The following RNF17 variants were observed in gnomAD, a reference collection of about 807,000 sequenced individuals.
The protein encoded by RNF17 is ring finger protein 17.
A neutral mutation model predicts 200.5 loss-of-function variants in RNF17; 31 were observed. The observed-to-expected ratio is 0.15, with a 90% CI of 0.12 to 0.21. RNF17 has a LOEUF of 0.21. Ranked by LOEUF, RNF17 falls within the 10% of genes least tolerant of loss-of-function variation. The pLI is 1.00. For missense variants in RNF17, 1,628 were observed against 1,905.1 expected, an observed-to-expected ratio of 0.85 and a Z score of 2.71; for synonymous variants, 606 against 637.8, an observed-to-expected ratio of 0.95 and a Z score of 0.75.
chr13:24,880,619 G>A (rs1253776052), downstream of RNF17, among the ~76,000 whole-genome samples: 1 of 152,030 alleles, frequency 6.6e-6, no homozygotes, highest in African/African-American at 2.4e-5. Flanking sequence ...TGCTATATCT[G>A]TGTACATAAT....
At chr13:24,806,305 A>G (rs1029690277) in intron 15 of RNF17, among the ~76,000 whole-genome samples, 2 of 152,190 alleles carry the variant, frequency 1.3e-5, no homozygotes, top group Non-Finnish European at 2.9e-5. Flanking sequence ...GCTATTGTGA[A>G]TAGTGCTGCA....
intron 12 of RNF17, among the ~76,000 whole-genome samples, chr13:24,799,819 T>C (rs759262304): frequency 3.9e-5 from 6 of 152,260 alleles, no homozygotes; most frequent in Non-Finnish European, 8.8e-5. Context: ...GTACTCTTCT[T>C]ATGTCACTTT....
intron 16 of RNF17, among the ~76,000 whole-genome samples, chr13:24,826,929 G>A (rs983162331): frequency 6.6e-6 from 1 of 151,982 alleles, no homozygotes; most frequent in African/African-American, 2.4e-5. Context: ...GCATGGTGGT[G>A]CATGCCTGTA....
At chr13:24,828,878 G>C (rs2138003001) in intron 16 of RNF17, among the ~76,000 whole-genome samples, 1 of 151,772 alleles carries the variant, frequency 6.6e-6, no homozygotes, top group African/African-American at 2.4e-5. Context: ...ACATGATCAT[G>C]GTTCACTGCG....
chr13:24,765,000 C>G (rs1669149327), intron 1 of RNF17, among the ~76,000 whole-genome samples: 1 of 151,346 alleles, frequency 6.6e-6, no homozygotes, highest in African/African-American at 2.4e-5. Context: ...CAAGTGATCA[C>G]AGGTTCAAGT....
intron 15 of RNF17, among the ~76,000 whole-genome samples, chr13:24,820,121 C>CTTTTTTTTTTTTTT (rs200683421): frequency 8.8e-6 from 1 of 113,298 alleles, no homozygotes; most frequent in African/African-American, 3.1e-5. Flanking sequence ...TTTCTTTTTT[C>CTTTTTTTTTTTTTT]TTTTTTTTTT....
At position 24,804,387 on chromosome 13, in the gene RNF17, G is replaced by A. The variant is rs754775069; in HGVS notation, c.2049G>A (p.Thr683=). Residue 683 remains threonine (T), a synonymous_variant, in exon 15 of 36, where the codon ACG becomes ACA. Transcript: ENST00000255324. ...AAGAAATGACAGATGTTTCAGTAAC[G>A]GTTTGTCATATAAATAGTCCTGGAG... is the stretch of plus-strand genomic sequence containing the variant. ...LPKEMTDVSV[T]VCHINSPGDF... 4 of 1,611,790 alleles carry A rather than the reference G, an allele frequency of 2.5e-6. No homozygotes were observed. Among genetic ancestry groups the A allele is most frequent in the East Asian group, 2.2e-5 (1 of 44,848 alleles).
chr13:24,841,386 C>T (rs1282033884), intron 18 of RNF17, among the ~76,000 whole-genome samples: 1 of 152,150 alleles, frequency 6.6e-6, no homozygotes, highest in African/African-American at 2.4e-5. Flanking sequence ...CCTTGGTCCT[C>T]CTGGAACTTG....
intron 35 of RNF17, 44 bp downstream of exon 35, chr13:24,879,339 G>C (rs1566269589): frequency 2.4e-6 from 3 of 1,241,506 alleles, no homozygotes; most frequent in Admixed American, 1.7e-5. Flanking sequence ...GGGACTAGTG[G>C]AGATGAATGC....
intron 31 of RNF17, among the ~76,000 whole-genome samples, chr13:24,870,035 G>A (rs1415116405): frequency 3.4e-5 from 5 of 145,362 alleles, no homozygotes; most frequent in South Asian, 4.3e-4. Context: ...TCCACTTCCC[G>A]GGTTCACACC....
the RNF17 span, chr13:24,886,260 G>A: frequency 1.6e-6 from 2 of 1,255,336 alleles, no homozygotes; most frequent in Non-Finnish European, 2.1e-6. Flanking sequence ...GCAAGTGCCA[G>A]AATCTGACCT....
chr13:24,782,095 C>T (rs1882459693), intron 6 of RNF17, 151 bp downstream of exon 6: 3 of 642,220 alleles, frequency 4.7e-6, no homozygotes, highest in Admixed American at 2.9e-5. Flanking sequence ...GTAGTCCCTA[C>T]AGACTGATCT....
intron 1 of RNF17, 84 bp downstream of exon 1, chr13:24,764,417 T>C: frequency 6.8e-7 from 1 of 1,463,700 alleles, no homozygotes. Context: ...CGCGTGAGGC[T>C]TGGTCAGCTG....
At chr13:24,806,701 G>A (rs1211449060) in intron 15 of RNF17, among the ~76,000 whole-genome samples, 1 of 151,694 alleles carries the variant, frequency 6.6e-6, no homozygotes, top group African/African-American at 2.4e-5. Context: ...ACAATGTGCA[G>A]GTTAGTTACA....
chr13:24,847,687 T>G (rs185593110), intron 22 of RNF17, among the ~76,000 whole-genome samples: 19 of 152,252 alleles, frequency 1.2e-4, no homozygotes, highest in Admixed American at 2.0e-4. Flanking sequence ...TTTTTAAAAT[T>G]TGTTTTATTC....
intron 5 of RNF17, among the ~76,000 whole-genome samples, chr13:24,781,047 G>A (rs888272295): frequency 9.9e-5 from 15 of 152,108 alleles, no homozygotes; most frequent in African/African-American, 2.7e-4. Context: ...GGTGAAACAG[G>A]AATAAGATAG....
At chr13:24,852,374 G>A (rs1285226111) in intron 24 of RNF17, among the ~76,000 whole-genome samples, 1 of 152,106 alleles carries the variant, frequency 6.6e-6, no homozygotes, top group African/African-American at 2.4e-5. Context: ...TCCTGACCTC[G>A]TGATCTGCCC....
At chr13:24,863,827 C>T (rs373619317) in intron 28 of RNF17, among the ~76,000 whole-genome samples, 5 of 152,326 alleles carry the variant, frequency 3.3e-5, no homozygotes, top group South Asian at 4.1e-4. Flanking sequence ...TCAGAGACCA[C>T]GAATGTGCAT....
In RNF17 at chr13:24,812,366, C is replaced by T. The variant is rs574917891; in HGVS notation, c.2091+7937C>T. Among the ~76,000 whole-genome samples the T allele has an allele frequency of 5.0e-4, 76 of 151,918 alleles. 1 individual carries two copies. The highest frequency in any genetic ancestry group is 1.6e-3 in the Admixed American group (25 of 15,286). On this transcript the variant is annotated intron_variant, in intron 15 of 35. Coordinates refer to ENST00000255324, the MANE Select transcript of RNF17 (RefSeq NM_031277.3). ...CTGGCGCGCCATTTTTTAAGCCGGT[C>T]GGAAAAGTGCAGTATTCGGGTGGGA...
Sources: allele counts gnomAD v4.1 joint callset (sites outside exome capture counted in the v4.1 genomes callset), GRCh38; gene constraint gnomAD v4.1.1; transcripts MANE v1.5; gene names NCBI Gene and HGNC (gene_info 2026-07-23, HGNC 2026-07-21).